The following TCF7L1 variants were observed in gnomAD, a reference collection of about 807,000 sequenced individuals.
TCF7L1 encodes the protein transcription factor 7 like 1.
TCF7L1 carries 18 observed loss-of-function variants against 63.7 expected under a neutral mutation model. That is an observed-to-expected ratio of 0.28 (90% CI 0.20 to 0.42). TCF7L1 has a LOEUF of 0.42. Ranked by LOEUF, TCF7L1 falls within the 10% of genes least tolerant of loss-of-function variation. The pLI is 1.00. For missense variants in TCF7L1, 654 were observed against 779.3 expected (o/e 0.84, Z 1.91); for synonymous variants, 355 against 340.9 (o/e 1.04, Z -0.46).
At chr2:85,179,496 C>T (rs73943070) in intron 3 of TCF7L1, among the ~76,000 whole-genome samples, 4,811 of 152,262 alleles carry the variant, frequency 0.032, 275 homozygotes, top group African/African-American at 0.11. Flanking sequence ...GGTCATCTCT[C>T]AGACTTGGGC....
intron 3 of TCF7L1, among the ~76,000 whole-genome samples, chr2:85,260,641 C>T (rs1345290520): frequency 8.6e-6 from 1 of 116,762 alleles, no homozygotes; most frequent in Admixed American, 8.2e-5. Flanking sequence ...GAGACCCTAT[C>T]TCAAAAAAAA....
At chr2:85,212,206 T>A (rs752424449) in intron 3 of TCF7L1, among the ~76,000 whole-genome samples, 20 of 151,426 alleles carry the variant, frequency 1.3e-4, no homozygotes, top group Non-Finnish European at 2.2e-4. Flanking sequence ...AGCCCCCAGA[T>A]GGGCTGTGGC....
chr2:85,161,150 G>A (rs1326267441), intron 3 of TCF7L1, among the ~76,000 whole-genome samples: 1 of 152,138 alleles, frequency 6.6e-6, no homozygotes, highest in African/African-American at 2.4e-5. Context: ...CAGCTTCAAC[G>A]CATGAACCAG....
intron 3 of TCF7L1, among the ~76,000 whole-genome samples, chr2:85,251,529 G>C (rs1285091099): frequency 6.6e-6 from 1 of 152,162 alleles, no homozygotes; most frequent in South Asian, 2.1e-4. Flanking sequence ...AATTGGGGTC[G>C]AGTTAGAACC....
intron 3 of TCF7L1, among the ~76,000 whole-genome samples, chr2:85,268,413 C>T (rs1681060981): frequency 6.6e-6 from 1 of 150,670 alleles, no homozygotes; most frequent in African/African-American, 2.4e-5. Flanking sequence ...GCACCTCTCA[C>T]AAATGATATG....
intron 3 of TCF7L1, among the ~76,000 whole-genome samples, chr2:85,164,560 G>C (rs1042034507): frequency 2.0e-5 from 3 of 152,160 alleles, no homozygotes; most frequent in Non-Finnish European, 2.9e-5. Flanking sequence ...TGTATCAACC[G>C]CTGGGGTCAG....
chr2:85,207,226 C>G (rs1424900223), intron 3 of TCF7L1, among the ~76,000 whole-genome samples: 1 of 152,176 alleles, frequency 6.6e-6, no homozygotes, highest in Non-Finnish European at 1.5e-5. Flanking sequence ...GAATTCACTT[C>G]CAAGTTACTG....
At chr2:85,218,043 G>T (rs756989986) in intron 3 of TCF7L1, among the ~76,000 whole-genome samples, 1 of 151,866 alleles carries the variant, frequency 6.6e-6, no homozygotes, top group Non-Finnish European at 1.5e-5. Flanking sequence ...CTCTTCTCCC[G>T]TGCCTAGAAG....
chr2:85,144,745 GTGTGTA>G (rs1271832508), intron 3 of TCF7L1, among the ~76,000 whole-genome samples: 111 of 148,562 alleles, frequency 7.5e-4, no homozygotes, highest in African/African-American at 2.2e-3. Flanking sequence ...GTGTGTGTGT[GTGTGTA>G]TGTGTGTGTG....
intron 3 of TCF7L1, among the ~76,000 whole-genome samples, chr2:85,260,052 C>G (rs568320623): frequency 6.6e-6 from 1 of 152,320 alleles, no homozygotes; most frequent in Admixed American, 6.5e-5. Context: ...TCTCCTTTCT[C>G]CATTTCCAGG....
intron 3 of TCF7L1, among the ~76,000 whole-genome samples, chr2:85,250,467 C>T (rs983952919): frequency 3.3e-5 from 5 of 151,696 alleles, no homozygotes; most frequent in East Asian, 1.9e-4. Context: ...GACAGAGTCT[C>T]GCTCTGTCGC....
intron 3 of TCF7L1, among the ~76,000 whole-genome samples, chr2:85,258,554 C>G (rs1680779139): frequency 6.6e-6 from 1 of 152,214 alleles, no homozygotes; most frequent in Non-Finnish European, 1.5e-5. Context: ...GGCTCTCTTA[C>G]CACCACCGCA....
At chr2:85,192,634 C>T (rs1355294339) in intron 3 of TCF7L1, among the ~76,000 whole-genome samples, 5 of 151,590 alleles carry the variant, frequency 3.3e-5, no homozygotes, top group African/African-American at 7.3e-5. Context: ...CCATCTGCCT[C>T]GGCCTCCCAG....
chr2:85,279,377 A>T (rs200227689), intron 3 of TCF7L1, among the ~76,000 whole-genome samples: 2 of 151,960 alleles, frequency 1.3e-5, no homozygotes, highest in Non-Finnish European at 1.5e-5. Flanking sequence ...TGGGCAACGT[A>T]GCAAGACCCC....
At chr2:85,295,068 C>A (rs190883963) in intron 4 of TCF7L1, among the ~76,000 whole-genome samples, 4 of 152,232 alleles carry the variant, frequency 2.6e-5, no homozygotes, top group Admixed American at 2.6e-4. Flanking sequence ...TACATAACTT[C>A]TCCATCTTCT....
At chr2:85,271,381 G>A (rs1283901776) in intron 3 of TCF7L1, among the ~76,000 whole-genome samples, 2 of 152,198 alleles carry the variant, frequency 1.3e-5, no homozygotes, top group African/African-American at 4.8e-5. Context: ...AAAGTGCTGG[G>A]ATTACAGGCA....
chr2:85,205,579 T>G (rs1298807177), intron 3 of TCF7L1, among the ~76,000 whole-genome samples: 1 of 151,884 alleles, frequency 6.6e-6, no homozygotes. Context: ...TTACCCAGTC[T>G]GGAGTACAGT....
chr2:85,265,628 A>G (rs763941978), intron 3 of TCF7L1, among the ~76,000 whole-genome samples: 5 of 152,160 alleles, frequency 3.3e-5, no homozygotes, highest in Non-Finnish European at 7.4e-5. Context: ...AAGGCTTCCA[A>G]ACGGCTGAGG....
chr2:85,188,476 C>G (rs1678978355), intron 3 of TCF7L1, among the ~76,000 whole-genome samples: 1 of 152,148 alleles, frequency 6.6e-6, no homozygotes, highest in African/African-American at 2.4e-5. Context: ...AAAGTTAAAA[C>G]AATATTACAT....
Sources: gnomAD v4.1 joint callset for allele counts (sites outside exome capture counted in the v4.1 genomes callset) on GRCh38, gnomAD v4.1.1 for gene constraint, MANE v1.5 for transcripts, NCBI Gene and HGNC (gene_info 2026-07-23, HGNC 2026-07-21) for gene names.